Variants in HECA observed in about 807,000 individuals in gnomAD.
HECA encodes the protein HECA ribonucleoprotein granule regulator.
HECA carries 13 observed loss-of-function variants against 37.6 expected under a neutral mutation model. That is an observed-to-expected ratio of 0.35 (90% CI 0.23 to 0.55). HECA has a LOEUF of 0.55. HECA is among the 20% of genes least tolerant of loss of function. The pLI, the probability that HECA is intolerant of heterozygous loss-of-function variation, is 0.90. For synonymous variants in HECA, 307 were observed against 291.5 expected, an observed-to-expected ratio of 1.05 and a Z score of -0.54; for missense variants, 527 against 701.9, an observed-to-expected ratio of 0.75 and a Z score of 2.82.
chr6:139,158,754 C>T (rs1250592667), intron 1 of HECA, among the ~76,000 whole-genome samples: 6 of 151,804 alleles, frequency 4.0e-5, no homozygotes, highest in Non-Finnish European at 8.8e-5. Context: ...TTCCTCATGG[C>T]AACCCTTTTG....
chr6:139,137,806 C>G (rs1774468346), intron 1 of HECA, among the ~76,000 whole-genome samples: 1 of 152,030 alleles, frequency 6.6e-6, no homozygotes, highest in African/African-American at 2.4e-5. Context: ...TTATTATTCT[C>G]TGAAGTGGCA....
At chr6:139,174,703 T>TA (rs1335271151) in intron 3 of HECA, 164 bp downstream of exon 3, 1 of 978,256 alleles carries the variant, frequency 1.0e-6, no homozygotes, top group East Asian at 2.9e-5. Flanking sequence ...ATTCAGTCAT[T>TA]AAAAGGAATA....
chr6:139,166,906 A>G lies in HECA; in HGVS notation c.894A>G (p.Leu298=), dbSNP rs1774896181. 1.2e-6 allele frequency: 2 copies of G among 1,614,022 alleles called. No individual in the cohort carries two copies. Among genetic ancestry groups the G allele is most frequent in the Non-Finnish European group, 8.5e-7 (1 of 1,180,002 alleles). ...PRSSRYLGEF[L]KNAIHLEPHK... Reference sequence around the variant, plus strand: ...CCTCCAGATACCTCGGGGAGTTCTTAAAGAACGCCATCCATCTGGAGCCTC... The same window carrying G: ...CCTCCAGATACCTCGGGGAGTTCTTGAAGAACGCCATCCATCTGGAGCCTC... The change falls in exon 2 of 4, where the codon TTA becomes TTG. Residue 298 remains leucine (L), a synonymous_variant. Coordinates refer to ENST00000367658, the MANE Select transcript of HECA (RefSeq NM_016217.3).
In HECA at chr6:139,165,483, T is replaced by C. The variant is rs1774870496; in HGVS notation, c.272-801T>C. On this transcript the variant is annotated intron_variant, in intron 1 of 3. Coordinates refer to ENST00000367658, the MANE Select transcript of HECA (RefSeq NM_016217.3). ...CATCCTGTGGATTTTGACAAATGTA[T>C]AATGACGTGTATCTGCCATTATAGT... 3.9e-5 allele frequency among the ~76,000 whole-genome samples: 6 copies of C among 152,156 alleles called. 1 individual carries two copies. In the South Asian group the frequency reaches 1.2e-3, roughly 32 times the overall value.
intron 2 of HECA, among the ~76,000 whole-genome samples, chr6:139,173,424 TA>T (rs1240035184): frequency 6.6e-6 from 1 of 152,224 alleles, no homozygotes; most frequent in African/African-American, 2.4e-5. Flanking sequence ...CTAAGTACTG[TA>T]GATGGAACAT....
Position 139,135,645 on chromosome 6 carries a change from G to A in HECA, c.249G>A (p.Ala83=). The A allele has an allele frequency of 2.0e-6, 2 of 978,220 alleles. No homozygotes were observed. The highest frequency in any genetic ancestry group is 2.4e-6 in the Non-Finnish European group (2 of 824,300). 60.6% of individuals were successfully genotyped at this position (978,220 alleles called of 1,614,324 possible). The part of the protein sequence containing the change: ...AANAAAAAGA[A]AAGDAKNEAP... ...ACGCTGCGGCCGCCGCGGGGGCTGC[G>A]GCCGCGGGCGATGCCAAAAACGGTA... The change falls in exon 1 of 4, where the codon GCG becomes GCA. Residue 83 remains alanine, a synonymous_variant. Coordinates refer to ENST00000367658, the MANE Select transcript of HECA (RefSeq NM_016217.3).
rs556873314 is a variant in HECA, at chr6:139,168,605, A to C, written c.1312+1281A>C. On this transcript the variant is annotated intron_variant, in intron 2 of 3. Transcript: ENST00000367658. ...TTCTACCTGTCCTGGTGCACTCAGG[A>C]CCTGGTGTACCACATAGCTGTCCTT... 2.0e-5 allele frequency among the ~76,000 whole-genome samples: 3 copies of C among 151,110 alleles called. No individual in the cohort carries two copies. In the South Asian group the frequency reaches 6.3e-4, roughly 32 times the overall value.
At chr6:139,156,439 G>A (rs1433142710) in intron 1 of HECA, among the ~76,000 whole-genome samples, 2 of 152,068 alleles carry the variant, frequency 1.3e-5, no homozygotes, top group Non-Finnish European at 2.9e-5. Context: ...TGAACTCCTG[G>A]GCTGAAGTGA....
chr6:139,138,464 A>G (rs760535274), intron 1 of HECA, among the ~76,000 whole-genome samples: 2 of 152,248 alleles, frequency 1.3e-5, no homozygotes, highest in African/African-American at 4.8e-5. Context: ...TACATCTGCA[A>G]ACATGCAAAC....
intron 1 of HECA, among the ~76,000 whole-genome samples, chr6:139,158,425 C>A (rs1440082663): frequency 1.3e-5 from 2 of 151,166 alleles, no homozygotes; most frequent in African/African-American, 2.4e-5. Context: ...ATGGTGTGAA[C>A]CTGGGAGGCG....
intron 1 of HECA, among the ~76,000 whole-genome samples, chr6:139,143,675 A>G (rs1226855074): frequency 6.6e-6 from 1 of 152,094 alleles, no homozygotes; most frequent in Non-Finnish European, 1.5e-5. Flanking sequence ...ACCCTGGCCA[A>G]CATGGTGAAA....
At chr6:139,136,486 G>T (rs1774438266) in intron 1 of HECA, among the ~76,000 whole-genome samples, 1 of 152,028 alleles carries the variant, frequency 6.6e-6, no homozygotes, top group African/African-American at 2.4e-5. Flanking sequence ...TACTTATTTG[G>T]ACAGTTCTTT....
In HECA at chr6:139,166,919, C is replaced by T. The variant is rs1432719222; in HGVS notation, c.907C>T (p.His303Tyr). 4 of 1,614,096 alleles carry T rather than the reference C, an allele frequency of 2.5e-6. No homozygotes were observed. The highest frequency in any genetic ancestry group is 1.7e-5 in the Admixed American group (1 of 60,034). Residue 303 changes from histidine to tyrosine, a missense_variant, in exon 2 of 4, where the codon CAT (histidine) becomes TAT (tyrosine). Physicochemically the swap from His to Tyr is moderately conservative, Grantham distance 83. Coordinates refer to ENST00000367658, the MANE Select transcript of HECA (RefSeq NM_016217.3). ...YLGEFLKNAIHLEPHKKAMAG... is the reference protein window; with the variant it reads ...YLGEFLKNAIYLEPHKKAMAG... ...CGGGGAGTTCTTAAAGAACGCCATC[C>T]ATCTGGAGCCTCACAAGAAGGCCAT...
intron 1 of HECA, among the ~76,000 whole-genome samples, chr6:139,156,185 A>G (rs1486261228): frequency 6.6e-6 from 1 of 151,970 alleles, no homozygotes; most frequent in Non-Finnish European, 1.5e-5. Flanking sequence ...GTTACAATTT[A>G]AAATCTTTAC....
At chr6:139,143,280 C>A (rs1774537825) in intron 1 of HECA, among the ~76,000 whole-genome samples, 1 of 152,140 alleles carries the variant, frequency 6.6e-6, no homozygotes, top group African/African-American at 2.4e-5. Context: ...CAGATATGAG[C>A]CCTGTCAACA....
intron 2 of HECA, among the ~76,000 whole-genome samples, chr6:139,167,529 T>C (rs1028346000): frequency 1.3e-5 from 2 of 152,208 alleles, no homozygotes; most frequent in African/African-American, 4.8e-5. Context: ...ACAGTTGTCC[T>C]AGCGGATAAT....
chr6:139,146,366 A>G (rs1427394386), intron 1 of HECA, among the ~76,000 whole-genome samples: 1 of 152,180 alleles, frequency 6.6e-6, no homozygotes, highest in Non-Finnish European at 1.5e-5. Context: ...ATCTCAGTAG[A>G]GTCTTTGGAC....
intron 1 of HECA, among the ~76,000 whole-genome samples, chr6:139,152,342 G>A (rs1774661382): frequency 2.0e-5 from 3 of 151,988 alleles, no homozygotes; most frequent in Admixed American, 2.0e-4. Flanking sequence ...TAAGAAAAGG[G>A]TGGGTCTAGG....
At chr6:139,141,130 T>G (rs1385118294) in intron 1 of HECA, among the ~76,000 whole-genome samples, 1 of 152,240 alleles carries the variant, frequency 6.6e-6, no homozygotes, top group Non-Finnish European at 1.5e-5. Flanking sequence ...TTGAAAATAT[T>G]GTGTTATTTT....
Sources: gnomAD v4.1 joint callset for allele counts (sites outside exome capture counted in the v4.1 genomes callset) on GRCh38, gnomAD v4.1.1 for gene constraint, MANE v1.5 for transcripts, NCBI Gene and HGNC (gene_info 2026-07-23, HGNC 2026-07-21) for gene names.